The following HSF2BP variants were observed in gnomAD, a reference collection of about 807,000 sequenced individuals.
HSF2BP encodes heat shock transcription factor 2 binding protein, also known as heat shock factor 2-binding protein.
In HSF2BP, 35 loss-of-function variants were observed where a neutral mutation model predicts 35.0. The observed-to-expected ratio is 1.00, with a 90% confidence interval of 0.76 to 1.32. The LOEUF (loss-of-function observed/expected upper bound fraction) is 1.32. Among genes scored for constraint, HSF2BP ranks in the 40% most tolerant of loss-of-function variants. HSF2BP has a pLI of 0.00. For missense variants in HSF2BP, 326 were observed against 321.7 expected, an observed-to-expected ratio of 1.01 and a Z score of -0.10; for synonymous variants, 114 against 117.4, an observed-to-expected ratio of 0.97 and a Z score of 0.18.
At chr21:43,622,989 G>C (rs1275708544) in intron 6 of HSF2BP, among the ~76,000 whole-genome samples, 1 of 146,014 alleles carries the variant, frequency 6.8e-6, no homozygotes, top group Non-Finnish European at 1.5e-5. Flanking sequence ...TTTTTTCGTA[G>C]AGATAGGATC....
intron 4 of HSF2BP, among the ~76,000 whole-genome samples, chr21:43,642,165 T>C (rs2082645528): frequency 6.6e-6 from 1 of 152,062 alleles, no homozygotes; most frequent in Non-Finnish European, 1.5e-5. Context: ...TTAAAAATTA[T>C]ACAATAGAAT....
chr21:43,649,174 C>CCT lies in HSF2BP; in HGVS notation c.188-4784_188-4783dup, dbSNP rs528432094. 8.5e-5 allele frequency among the ~76,000 whole-genome samples: 13 copies of CCT among 152,228 alleles called. No homozygotes were observed. The South Asian group carries it at 2.7e-3, about 32-fold the overall frequency. Reference sequence around the variant, plus strand: ...GGCTCAAGCGACTCTCCTGCCTCAGCCTCCCAAGTAGTTGGGATTACAGGT... The same window carrying CCT: ...GGCTCAAGCGACTCTCCTGCCTCAGCCTCTCCCAAGTAGTTGGGATTACAGGT... On this transcript the variant is annotated intron_variant, in intron 3 of 8. Transcript: ENST00000291560.
intron 7 of HSF2BP, among the ~76,000 whole-genome samples, chr21:43,594,768 A>G (rs2081965599): frequency 6.6e-6 from 1 of 152,088 alleles, no homozygotes; most frequent in Non-Finnish European, 1.5e-5. Context: ...AGAGGTAGGG[A>G]GGGAAAGATA....
At chr21:43,613,529 A>G in intron 7 of HSF2BP, among the ~76,000 whole-genome samples, 1 of 152,258 alleles carries the variant, frequency 6.6e-6, no homozygotes, top group East Asian at 1.9e-4. Context: ...GAAAACAAAT[A>G]CAGATTTTAG....
At chr21:43,616,742 G>T (rs1380526090) in intron 6 of HSF2BP, among the ~76,000 whole-genome samples, 2 of 152,112 alleles carry the variant, frequency 1.3e-5, no homozygotes, top group Non-Finnish European at 1.5e-5. Flanking sequence ...GATCATCCTG[G>T]CTAACATGAT....
intron 8 of HSF2BP, among the ~76,000 whole-genome samples, chr21:43,580,289 T>C (rs773847721): frequency 5.9e-5 from 9 of 152,234 alleles, no homozygotes; most frequent in Admixed American, 1.3e-4. Context: ...CTCACTCCCC[T>C]TTCTCAATGT....
intron 1 of HSF2BP, among the ~76,000 whole-genome samples, chr21:43,658,527 C>G (rs1179255044): frequency 6.6e-6 from 1 of 152,218 alleles, no homozygotes; most frequent in Non-Finnish European, 1.5e-5. Context: ...TGTCAACAGG[C>G]ACCTCGGGAG....
At chr21:43,632,397 ACTCCCCCACACACACATG>A (rs2082490167) in intron 5 of HSF2BP, among the ~76,000 whole-genome samples, 1 of 59,580 alleles carries the variant, frequency 1.7e-5, no homozygotes, top group Non-Finnish European at 3.1e-5. Flanking sequence ...ACACACACAC[ACTCCCCCACACACACATG>A]CTCCCACACA....
chr21:43,616,172 G>C (rs1034909928), intron 6 of HSF2BP, among the ~76,000 whole-genome samples: 1 of 152,084 alleles, frequency 6.6e-6, no homozygotes, highest in Admixed American at 6.5e-5. Flanking sequence ...CCTACACTGC[G>C]ACTCACTTGT....
the HSF2BP span, among the ~76,000 whole-genome samples, chr21:43,505,756 C>A: frequency 7.8e-4 from 87 of 111,012 alleles, 16 homozygotes; most frequent in Non-Finnish European, 1.2e-3. Context: ...GGTCTCCTTA[C>A]CATCCAGGTT....
At position 43,656,682 on chromosome 21, in the gene HSF2BP, A is replaced by T; in HGVS notation, c.92T>A (p.Leu31Gln). ...VKVRKKDLER[L>Q]TTEVMQIRDF... ...CCGTATTTGCATCACTTCAGTTGTC[A>T]GCCGTTCCAGATCCTTCTTTCTGAC... Residue 31 changes from leucine (L) to glutamine (Q), a missense_variant, in exon 3 of 9, where the codon CTG becomes CAG. Transcript: ENST00000291560. The T allele has an allele frequency of 6.2e-7, 1 of 1,614,042 alleles. No homozygotes were observed. The highest frequency in any genetic ancestry group is 8.5e-7 in the Non-Finnish European group (1 of 1,179,936).
chr21:43,582,058 G>A (rs1252073174), intron 8 of HSF2BP, among the ~76,000 whole-genome samples: 1 of 135,090 alleles, frequency 7.4e-6, no homozygotes. Context: ...TGGGGGATGA[G>A]GGCCTGCTGT....
chr21:43,573,214 C>T (rs886497375), intron 8 of HSF2BP, among the ~76,000 whole-genome samples: 2 of 152,192 alleles, frequency 1.3e-5, no homozygotes, highest in African/African-American at 2.4e-5. Flanking sequence ...ACAGAAGAGC[C>T]ACCTTTCTAA....
At chr21:43,592,436 A>G (rs2081938596) in intron 7 of HSF2BP, 108 bp from the exon 8 acceptor site, 1 of 674,462 alleles carries the variant, frequency 1.5e-6, no homozygotes, top group Non-Finnish European at 2.6e-6. Context: ...CTTCCCTCAC[A>G]TTTTAGATGT....
chr21:43,505,672 G>C, the HSF2BP span, among the ~76,000 whole-genome samples: 2 of 105,156 alleles, frequency 1.9e-5, 1 homozygote, highest in Non-Finnish European at 4.0e-5. Flanking sequence ...CAGAAGCACT[G>C]GGAGAGAGCC....
chr21:43,628,359 A>G (rs2082414129), intron 6 of HSF2BP, among the ~76,000 whole-genome samples: 1 of 152,246 alleles, frequency 6.6e-6, no homozygotes, highest in South Asian at 2.1e-4. Context: ...CTTATTGCTG[A>G]TATGGAGAAA....
chr21:43,572,751 T>TCAGAGC (rs1174551810), intron 8 of HSF2BP, among the ~76,000 whole-genome samples: 1 of 152,156 alleles, frequency 6.6e-6, no homozygotes, highest in African/African-American at 2.4e-5. Context: ...GTCTTCAGAG[T>TCAGAGC]CAGAGCCCTC....
intron 8 of HSF2BP, among the ~76,000 whole-genome samples, chr21:43,572,139 G>A (rs1261313806): frequency 6.6e-6 from 1 of 152,082 alleles, no homozygotes; most frequent in African/African-American, 2.4e-5. Flanking sequence ...CTTGGGGGAG[G>A]AGAGGGGATA....
In HSF2BP at chr21:43,656,664, T is replaced by C. The variant is rs897351269; in HGVS notation, c.110A>G (p.Gln37Arg). The change falls in exon 3 of 9, where the codon CAA (glutamine) becomes CGA (arginine). Residue 37 changes from glutamine to arginine, a missense_variant. Gln to Arg is a conservative substitution (Grantham distance 43). Transcript: ENST00000291560. ...DLERLTTEVM[Q>R]IRDFLPRILN... ...TATTCTGGGTAAGAAGTCCCGTATT[T>C]GCATCACTTCAGTTGTCAGCCGTTC... The C allele has an allele frequency of 6.2e-7, 1 of 1,614,004 alleles. No individual in the cohort carries two copies.
Sources: allele counts gnomAD v4.1 joint callset (sites outside exome capture counted in the v4.1 genomes callset), GRCh38; gene constraint gnomAD v4.1.1; transcripts MANE v1.5; gene names NCBI Gene and HGNC (gene_info 2026-07-23, HGNC 2026-07-21).